Variants in SLC12A1 observed in about 807,000 individuals in gnomAD.
SLC12A1 encodes solute carrier family 12 member 1.
SLC12A1 carries 89 observed loss-of-function variants against 130.4 expected under a neutral mutation model. The observed-to-expected ratio is 0.68, with a 90% CI of 0.58 to 0.81. The LOEUF (loss-of-function observed/expected upper bound fraction) is 0.81. Among genes scored for constraint, SLC12A1 ranks in the 40% least tolerant of loss-of-function variants. The probability of loss-of-function intolerance (pLI) is 0.00; values close to 1 mark genes in which losing one functional copy is unlikely to be tolerated. For missense variants in SLC12A1, 1,310 were observed against 1,336.4 expected (o/e 0.98, Z 0.31); for synonymous variants, 499 against 460.0 (o/e 1.08, Z -1.09).
chr15:48,213,899 A>T (rs1344252873), intron 2 of SLC12A1, among the ~76,000 whole-genome samples: 1 of 152,212 alleles, frequency 6.6e-6, no homozygotes, highest in Non-Finnish European at 1.5e-5. Flanking sequence ...AACAAACATT[A>T]AACCACATAA....
intron 2 of SLC12A1, among the ~76,000 whole-genome samples, chr15:48,219,892 A>C (rs950249461): frequency 7.2e-5 from 11 of 152,010 alleles, no homozygotes; most frequent in African/African-American, 2.4e-4. Context: ...GTCTCTACAA[A>C]AAATACAAAA....
In SLC12A1 at chr15:48,229,290, GT is replaced by G. The variant is rs1345883262; in HGVS notation, c.827del (p.Val276GlyfsTer8). 1 of 1,605,642 alleles carries G rather than the reference GT, an allele frequency of 6.2e-7. No individual in the cohort carries two copies. Reference protein sequence around the residue: ...FANAVAVAMYVVGFAETVVDL... With the variant: ...FANAVAVAMYXVGFAETVVDL... Reference sequence around the variant, plus strand: ...TAATGCAGTGGCTGTTGCTATGTATGTGGTGGGATTTGCTGAGACTGTAGTA... The same window carrying G: ...TAATGCAGTGGCTGTTGCTATGTATGGGTGGGATTTGCTGAGACTGTAGTA... On this transcript the variant is annotated frameshift_variant, in exon 6 of 27. Transcript: ENST00000380993. LOFTEE classifies it high-confidence loss of function.
chr15:48,286,883 T>C (rs1050154996), intron 21 of SLC12A1, among the ~76,000 whole-genome samples: 4 of 152,222 alleles, frequency 2.6e-5, no homozygotes, highest in Non-Finnish European at 5.9e-5. Flanking sequence ...CTGGCTGCTT[T>C]GACTTGTCTG....
intron 24 of SLC12A1, among the ~76,000 whole-genome samples, chr15:48,298,009 G>C (rs1318772629): frequency 1.3e-5 from 2 of 152,154 alleles, no homozygotes; most frequent in African/African-American, 4.8e-5. Context: ...TGCAATAGAA[G>C]CCTAATGCAT....
At chr15:48,297,307 C>T (rs1307270576) in intron 24 of SLC12A1, among the ~76,000 whole-genome samples, 1 of 152,182 alleles carries the variant, frequency 6.6e-6, no homozygotes, top group Admixed American at 6.5e-5. Flanking sequence ...CTAACCTAAG[C>T]CACTGAGACA....
intron 5 of SLC12A1, chr15:48,227,455 T>C (rs1050725378): frequency 1.2e-5 from 5 of 406,142 alleles, no homozygotes; most frequent in African/African-American, 1.0e-4. Context: ...TATGGTTTCT[T>C]TGTACCTTGG....
In SLC12A1 at chr15:48,241,617, A is replaced by C; in HGVS notation, c.1300+18A>C. On this transcript the variant is annotated intron_variant, in intron 10 of 26. Transcript: ENST00000380993. ...TTGTGTAGGTAAGTGGTACGTCTCC[A>C]GTGTCAGAATGTCAGAATTACGAGG... 1.3e-6 allele frequency: 2 copies of C among 1,574,278 alleles called. No homozygotes were observed. Among genetic ancestry groups the C allele is most frequent in the African/African-American group, 2.7e-5 (2 of 74,218 alleles).
intron 14 of SLC12A1, among the ~76,000 whole-genome samples, chr15:48,250,738 GA>G (rs2141063383): frequency 6.9e-6 from 1 of 144,612 alleles, no homozygotes; most frequent in African/African-American, 2.7e-5. Flanking sequence ...AGAAAAATAA[GA>G]CTATTTTCAA....
At chr15:48,246,769 G>A (rs1245372790) in intron 11 of SLC12A1, 140 bp from the exon 12 acceptor site, 4 of 711,366 alleles carry the variant, frequency 5.6e-6, no homozygotes, top group Admixed American at 4.1e-5. Flanking sequence ...GATAGAGCGA[G>A]ACTGTCTCAA....
chr15:48,273,920 A>T (rs998284112), intron 19 of SLC12A1, among the ~76,000 whole-genome samples: 1 of 152,218 alleles, frequency 6.6e-6, no homozygotes, highest in Non-Finnish European at 1.5e-5. Flanking sequence ...CACCAGAGAA[A>T]ACATTTATCT....
chr15:48,255,939 G>A (rs1189490380), intron 16 of SLC12A1, 29 bp downstream of exon 16: 1 of 1,389,892 alleles, frequency 7.2e-7, no homozygotes, highest in Non-Finnish European at 1.0e-6. Flanking sequence ...GCATCCTGGT[G>A]TTTTTCCACC....
chr15:48,278,083 T>A (rs142858553), intron 20 of SLC12A1, among the ~76,000 whole-genome samples: 14 of 152,332 alleles, frequency 9.2e-5, no homozygotes, highest in African/African-American at 3.1e-4. Flanking sequence ...TCAGTGAGTA[T>A]TCACTATTAA....
intron 20 of SLC12A1, among the ~76,000 whole-genome samples, chr15:48,275,756 T>G (rs1244980693): frequency 2.0e-5 from 3 of 152,242 alleles, no homozygotes; most frequent in Non-Finnish European, 4.4e-5. Context: ...CCGACAATAG[T>G]AAAATATGGG....
intron 15 of SLC12A1, among the ~76,000 whole-genome samples, chr15:48,253,849 C>T (rs2041674352): frequency 6.6e-6 from 1 of 152,128 alleles, no homozygotes; most frequent in African/African-American, 2.4e-5. Flanking sequence ...TTTTTAAAAG[C>T]CATTCTAATA....
At chr15:48,225,632 C>T (rs540336549) in intron 4 of SLC12A1, 1 of 152,266 alleles carries the variant, frequency 6.6e-6, no homozygotes, top group East Asian at 1.9e-4. Flanking sequence ...TTTTGTACAA[C>T]TTAGTTCTGC....
intron 20 of SLC12A1, among the ~76,000 whole-genome samples, chr15:48,276,665 G>C (rs2041957282): frequency 6.6e-6 from 1 of 152,176 alleles, no homozygotes. Context: ...ATGACACCCT[G>C]TCTGTGACAC....
Position 48,259,255 on chromosome 15 carries a change from A to C in SLC12A1, c.2098A>C (p.Ile700Leu), listed in dbSNP as rs768048553. The C allele has an allele frequency of 2.4e-5, 39 of 1,613,772 alleles. No homozygotes were observed. The East Asian group carries it at 7.1e-4, about 29-fold the overall frequency. The change falls in exon 17 of 27, where the codon ATA becomes CTA. Residue 700 changes from isoleucine (I) to leucine (L), a missense_variant. Ile to Leu is a conservative substitution (Grantham distance 5, BLOSUM62 2). Coordinates refer to ENST00000380993, the MANE Select transcript of SLC12A1 (RefSeq NM_000338.3). The part of the protein sequence containing the change: ...GPMTRPALLD[I>L]THAFTKNSGL... ...CATGACAAGACCTGCTCTCCTGGAC[A>C]TAACTCACGCCTTTACCAAGAACAG...
chr15:48,236,115 ACACAC>A, intron 9 of SLC12A1, among the ~76,000 whole-genome samples: 1 of 151,586 alleles, frequency 6.6e-6, no homozygotes, highest in East Asian at 1.9e-4. Flanking sequence ...ACACACACAC[ACACAC>A]ACACACACAC....
rs750325008 is a variant in SLC12A1 at position 48,285,277 on chromosome 15, A to G, written c.2629+28A>G. 4.3e-6 allele frequency: 7 copies of G among 1,610,492 alleles called. No homozygotes were observed. In the Admixed American group the frequency reaches 1.2e-4, roughly 27 times the overall value. On this transcript the variant is annotated intron_variant, in intron 21 of 26. Transcript: ENST00000380993. ...AAGAACTTTTTAAAATTTGCAAAAA[A>G]GTTTACAAGATGAGTCACTATTTGA...
Sources: allele counts gnomAD v4.1 joint callset (sites outside exome capture counted in the v4.1 genomes callset), GRCh38; gene constraint gnomAD v4.1.1; transcripts MANE v1.5; gene names NCBI Gene and HGNC (gene_info 2026-07-23, HGNC 2026-07-21).